Variants in THSD4 observed in about 807,000 individuals in gnomAD.
The protein encoded by THSD4 is thrombospondin type-1 domain-containing protein 4.
In THSD4, 69 loss-of-function variants were observed where a neutral mutation model predicts 119.0. The ratio of observed to expected loss-of-function variants is 0.58; its 90% confidence interval spans 0.48 to 0.71. The LOEUF (loss-of-function observed/expected upper bound fraction) is 0.71, where lower values mean the gene tolerates loss of function less well. Ranked by LOEUF, THSD4 falls within the 30% of genes least tolerant of loss-of-function variation. The probability of loss-of-function intolerance (pLI) is 0.00; values close to 1 mark genes in which losing one functional copy is unlikely to be tolerated. For synonymous variants in THSD4, 524 were observed against 540.4 expected (o/e 0.97, Z 0.42); for missense variants, 1,393 against 1,391.1 (o/e 1.00, Z -0.02).
At chr15:71,527,684 AT>A (rs1370458291) in intron 7 of THSD4, among the ~76,000 whole-genome samples, 4 of 79,892 alleles carry the variant, frequency 5.0e-5, no homozygotes, top group Admixed American at 1.2e-4. Flanking sequence ...GATTTTGTTG[AT>A]TTTTTTTCCC....
At chr15:71,277,486 G>C (rs2044606600) in intron 6 of THSD4, among the ~76,000 whole-genome samples, 1 of 152,168 alleles carries the variant, frequency 6.6e-6, no homozygotes, top group Non-Finnish European at 1.5e-5. Context: ...GCAAGCACTT[G>C]TCATCATATC....
chr15:71,633,269 C>CTTTTTTTT (rs67682951), intron 7 of THSD4, among the ~76,000 whole-genome samples: 61 of 63,162 alleles, frequency 9.7e-4, no homozygotes, highest in African/African-American at 1.8e-3. Context: ...TTCTTTCTTT[C>CTTTTTTTT]TTTTTTTTTT....
At position 71,554,095 on chromosome 15, in the gene THSD4, G is replaced by GTTTTT. The variant is rs58075201; in HGVS notation, c.1153-106427_1153-106423dup. ...TTTCGTTTGTTTTTTGTTTGGTTTG[G>GTTTTT]TTTTTTTTTTTTCAGATGGAGTCTC... is the stretch of plus-strand genomic sequence containing the variant. On this transcript the variant is annotated intron_variant, in intron 7 of 17. Coordinates refer to ENST00000261862, the MANE Select transcript of THSD4 (RefSeq NM_024817.3). 1.8e-3 allele frequency among the ~76,000 whole-genome samples: 250 copies of GTTTTT among 137,540 alleles called. 1 individual carries two copies. Among genetic ancestry groups the GTTTTT allele is most frequent in the Middle Eastern group, 3.8e-3 (1 of 266 alleles). The allele number at this position is 137,540 out of a possible 152,430, so 90.2% of individuals were successfully genotyped here. A position where few individuals can be genotyped will look rare whatever the true frequency, so the allele number is the denominator to read the frequency against.
intron 7 of THSD4, among the ~76,000 whole-genome samples, chr15:71,514,366 T>C (rs2048325155): frequency 6.6e-6 from 1 of 152,150 alleles, no homozygotes; most frequent in Non-Finnish European, 1.5e-5. Flanking sequence ...GAGAGAAGCA[T>C]CATCATCCAA....
intron 8 of THSD4, among the ~76,000 whole-genome samples, chr15:71,696,173 G>A (rs977276524): frequency 2.6e-5 from 4 of 152,208 alleles, no homozygotes; most frequent in Non-Finnish European, 4.4e-5. Context: ...AAAGAAAAGA[G>A]GTTTATTTAG....
rs567476880 is a variant in THSD4 at position 71,165,267 on chromosome 15, T to A, written c.99+10335T>A. 2.0e-5 allele frequency: 32 copies of A among 1,571,904 alleles called. No homozygotes were observed. In the South Asian group the frequency reaches 3.3e-4, roughly 16 times the overall value. ...TTTCCTTTGTCTTTAGCAGAAATGG[T>A]CTTCCACCTCTCTGAGCACTTCTTA... On this transcript the variant is annotated intron_variant, in intron 3 of 17. Coordinates refer to ENST00000261862, the MANE Select transcript of THSD4 (RefSeq NM_024817.3).
intron 8 of THSD4, among the ~76,000 whole-genome samples, chr15:71,682,272 A>AT (rs1205403288): frequency 6.6e-6 from 1 of 152,256 alleles, no homozygotes; most frequent in Non-Finnish European, 1.5e-5. Context: ...TATTTGTTGG[A>AT]TAAGCTTTTT....
intron 6 of THSD4, among the ~76,000 whole-genome samples, chr15:71,380,130 T>G (rs934271332): frequency 6.6e-6 from 1 of 152,148 alleles, no homozygotes; most frequent in African/African-American, 2.4e-5. Flanking sequence ...CATTTTTGTT[T>G]ACGTACTAAG....
intron 6 of THSD4, among the ~76,000 whole-genome samples, chr15:71,303,884 T>C (rs2044986470): frequency 6.6e-6 from 1 of 152,182 alleles, no homozygotes; most frequent in African/African-American, 2.4e-5. Flanking sequence ...CTAGGAACCT[T>C]GGGCTGCTCC....
intron 7 of THSD4, among the ~76,000 whole-genome samples, chr15:71,511,443 A>G (rs1481125208): frequency 6.6e-6 from 1 of 152,214 alleles, no homozygotes; most frequent in Non-Finnish European, 1.5e-5. Flanking sequence ...AACACCACAG[A>G]TTTTTGTTGT....
intron 3 of THSD4, among the ~76,000 whole-genome samples, chr15:71,193,738 C>G (rs182221613): frequency 1.3e-5 from 2 of 152,050 alleles, no homozygotes; most frequent in Non-Finnish European, 2.9e-5. Flanking sequence ...GACGGAGTCT[C>G]GCTCTGTTGC....
intron 17 of THSD4, among the ~76,000 whole-genome samples, chr15:71,776,224 C>T (rs543921812): frequency 1.3e-3 from 204 of 152,174 alleles, no homozygotes; most frequent in African/African-American, 4.8e-3. Context: ...ATTATAATAT[C>T]AATTACATTA....
At chr15:71,579,245 T>C (rs945831596) in intron 7 of THSD4, among the ~76,000 whole-genome samples, 3 of 152,234 alleles carry the variant, frequency 2.0e-5, no homozygotes, top group Admixed American at 6.5e-5. Context: ...TTTACTTCTT[T>C]TGTATTCTCC....
intron 3 of THSD4, among the ~76,000 whole-genome samples, chr15:71,192,516 CAA>C (rs2043681017): frequency 6.6e-6 from 1 of 151,988 alleles, no homozygotes; most frequent in Non-Finnish European, 1.5e-5. Context: ...CTCCTGGCCT[CAA>C]GTCTGCTTGC....
intron 16 of THSD4, among the ~76,000 whole-genome samples, chr15:71,767,988 G>A (rs890993154): frequency 6.6e-6 from 1 of 152,102 alleles, no homozygotes. Context: ...TTACAATGAA[G>A]TTTATAATAC....
intron 7 of THSD4, among the ~76,000 whole-genome samples, chr15:71,509,671 A>G (rs1185443670): frequency 6.6e-6 from 1 of 152,224 alleles, no homozygotes; most frequent in African/African-American, 2.4e-5. Context: ...CTTTCACCAT[A>G]CTGTATCTTG....
intron 4 of THSD4, among the ~76,000 whole-genome samples, chr15:71,223,247 C>T: frequency 6.6e-6 from 1 of 152,214 alleles, no homozygotes; most frequent in East Asian, 1.9e-4. Flanking sequence ...CAAGAGAGCA[C>T]AAGCCTGTGC....
intron 3 of THSD4, among the ~76,000 whole-genome samples, chr15:71,174,344 AG>A (rs2043419936): frequency 6.6e-6 from 1 of 151,834 alleles, no homozygotes; most frequent in African/African-American, 2.4e-5. Flanking sequence ...GGGGTCAGGG[AG>A]TTCCCTTTCC....
At chr15:71,312,100 C>A (rs2045118579) in intron 6 of THSD4, among the ~76,000 whole-genome samples, 1 of 152,198 alleles carries the variant, frequency 6.6e-6, no homozygotes, top group Non-Finnish European at 1.5e-5. Flanking sequence ...CTGTTCTGGA[C>A]TGTATAGTGC....
Sources: gnomAD v4.1 joint callset for allele counts (sites outside exome capture counted in the v4.1 genomes callset) on GRCh38, gnomAD v4.1.1 for gene constraint, MANE v1.5 for transcripts, NCBI Gene and HGNC (gene_info 2026-07-23, HGNC 2026-07-21) for gene names.